Variants in TBC1D32 observed in about 807,000 individuals in gnomAD.
The protein encoded by TBC1D32 is protein broad-minded.
Under a neutral mutation model 170.3 loss-of-function variants are expected in TBC1D32, and 151 were observed. The observed-to-expected ratio is 0.89, with a 90% confidence interval of 0.78 to 1.01. The LOEUF is 1.01. Ranked by LOEUF, TBC1D32 falls within the 50% of genes least tolerant of loss-of-function variation. TBC1D32 has a pLI of 0.00. For missense variants in TBC1D32, 1,464 were observed against 1,457.1 expected (o/e 1.00, Z -0.08); for synonymous variants, 498 against 488.0 (o/e 1.02, Z -0.27).
chr6:121,334,536 C>T, upstream of TBC1D32: 1 of 1,374,244 alleles, frequency 7.3e-7, no homozygotes, highest in Non-Finnish European at 9.8e-7. Context: ...CGTGCGGCGT[C>T]GTTCCCAGGG....
At chr6:121,138,848 C>CTT (rs528895925) in intron 24 of TBC1D32, among the ~76,000 whole-genome samples, 30 of 143,588 alleles carry the variant, frequency 2.1e-4, no homozygotes, top group Non-Finnish European at 3.5e-4. Flanking sequence ...TATTATTTTT[C>CTT]TTTTTTTTTT....
At chr6:121,287,108 A>C (rs1319284798) in intron 12 of TBC1D32, among the ~76,000 whole-genome samples, 2 of 152,170 alleles carry the variant, frequency 1.3e-5, no homozygotes, top group African/African-American at 4.8e-5. Context: ...CAAGCAAAAT[A>C]ACCAGCTAAC....
At chr6:121,110,794 G>C (rs749944395) in intron 29 of TBC1D32, among the ~76,000 whole-genome samples, 1 of 152,076 alleles carries the variant, frequency 6.6e-6, no homozygotes, top group Non-Finnish European at 1.5e-5. Context: ...TTATACTGTC[G>C]TATAAATGTA....
intron 1 of TBC1D32, among the ~76,000 whole-genome samples, chr6:121,329,670 A>T (rs1563437010): frequency 6.6e-6 from 1 of 152,038 alleles, no homozygotes; most frequent in Non-Finnish European, 1.5e-5. Flanking sequence ...ATAAATAAAT[A>T]AAATAAAAAA....
intron 30 of TBC1D32, chr6:121,096,389 CT>C (rs1256254148): frequency 6.6e-6 from 1 of 151,926 alleles, no homozygotes; most frequent in African/African-American, 2.4e-5. Context: ...ACAAGCATTC[CT>C]ATACACCAAT....
intron 21 of TBC1D32, among the ~76,000 whole-genome samples, chr6:121,216,304 G>A (rs1793816650): frequency 6.6e-6 from 1 of 152,118 alleles, no homozygotes; most frequent in South Asian, 2.1e-4. Flanking sequence ...GACTCAAACT[G>A]GCTCTCCTTG....
intron 30 of TBC1D32, among the ~76,000 whole-genome samples, chr6:121,091,880 A>T (rs1247784973): frequency 6.6e-6 from 1 of 152,186 alleles, no homozygotes; most frequent in Non-Finnish European, 1.5e-5. Context: ...ATCCAATACG[A>T]CTGGTGTCTT....
chr6:121,283,806 A>G lies in TBC1D32; in HGVS notation c.1465+12T>C, dbSNP rs1293565703. ...TTTTATATTTCTCTATTTAAAATAG[A>G]AACAGAATTACCTGAATGGGCAGCT... On this transcript the variant is annotated intron_variant, in intron 13 of 31. Transcript: ENST00000398212. The G allele has an allele frequency of 1.9e-6, 3 of 1,568,928 alleles. No homozygotes were observed. Among genetic ancestry groups the G allele is most frequent in the Non-Finnish European group, 2.6e-6 (3 of 1,144,228 alleles).
chr6:121,231,541 G>T (rs1795737977), intron 20 of TBC1D32, among the ~76,000 whole-genome samples: 1 of 152,098 alleles, frequency 6.6e-6, no homozygotes, highest in South Asian at 2.1e-4. Context: ...CCCACTGACA[G>T]TGTAAAAGTG....
At position 121,115,279 on chromosome 6, in the gene TBC1D32, A is replaced by C. The variant is rs745814435; in HGVS notation, c.2984-38T>G. 3.6e-6 allele frequency: 5 copies of C among 1,399,274 alleles called. No individual in the cohort carries two copies. In the Admixed American group the frequency reaches 9.4e-5, roughly 26 times the overall value. The allele number at this position is 1,399,274 out of a possible 1,614,324, so 86.7% of individuals were successfully genotyped here. A position where few individuals can be genotyped will look rare whatever the true frequency, so the allele number is the denominator to read the frequency against. On this transcript the variant is annotated intron_variant, in intron 26 of 31. Coordinates refer to ENST00000398212, the MANE Select transcript of TBC1D32 (RefSeq NM_152730.6). ...GAAAACTGAGTTATAAAGTGCAGAAAAGTTTGCATAATAATCACATTTTAA... is the reference window on the plus strand; with the variant it reads ...GAAAACTGAGTTATAAAGTGCAGAACAGTTTGCATAATAATCACATTTTAA...
At chr6:121,110,476 G>A (rs770281237) in intron 29 of TBC1D32, among the ~76,000 whole-genome samples, 7 of 151,870 alleles carry the variant, frequency 4.6e-5, no homozygotes, top group Non-Finnish European at 8.8e-5. Context: ...TAATGAGGTT[G>A]GGGTAAGTAG....
intron 24 of TBC1D32, among the ~76,000 whole-genome samples, chr6:121,153,935 G>A (rs933938679): frequency 2.6e-5 from 4 of 151,802 alleles, no homozygotes; most frequent in Non-Finnish European, 2.9e-5. Context: ...GGCTCCATGG[G>A]GGTAGGATCT....
intron 15 of TBC1D32, among the ~76,000 whole-genome samples, chr6:121,269,187 G>A (rs117028998): frequency 0.024 from 3,655 of 152,138 alleles, 161 homozygotes; most frequent in East Asian, 0.12. Context: ...ATCGAGGCTC[G>A]GAAGAAACTG....
chr6:121,249,146 G>A (rs937987972), intron 17 of TBC1D32, among the ~76,000 whole-genome samples: 17 of 151,488 alleles, frequency 1.1e-4, no homozygotes, highest in Non-Finnish European at 2.1e-4. Context: ...TGTAGGGATG[G>A]TTTAACATAC....
At position 121,139,317 on chromosome 6, in the gene TBC1D32, T is replaced by C. The variant is rs572249530; in HGVS notation, c.2774-7565A>G. The stretch of plus-strand genomic sequence containing the variant: ...TTTCATTATTTTATCAAAATGCAAT[T>C]GCAATTACAGTCCATCTCATTCTCC... On this transcript the variant is annotated intron_variant, in intron 24 of 31. Transcript: ENST00000398212. Among the ~76,000 whole-genome samples the C allele has an allele frequency of 2.0e-5, 3 of 152,356 alleles. No individual in the cohort carries two copies. In the South Asian group the frequency reaches 6.2e-4, roughly 32 times the overall value.
chr6:121,171,275 CAA>C (rs1468760283), intron 22 of TBC1D32, among the ~76,000 whole-genome samples: 2 of 109,584 alleles, frequency 1.8e-5, no homozygotes, highest in Non-Finnish European at 3.9e-5. Flanking sequence ...GTTCAGAAAA[CAA>C]AAAGTCTTAA....
intron 30 of TBC1D32, among the ~76,000 whole-genome samples, chr6:121,096,815 A>G (rs1297001478): frequency 6.6e-6 from 1 of 152,202 alleles, no homozygotes; most frequent in Non-Finnish European, 1.5e-5. Flanking sequence ...GGCTACAGTA[A>G]CCAAAACAAC....
chr6:121,101,347 T>G (rs1043746796), intron 30 of TBC1D32, among the ~76,000 whole-genome samples: 5 of 152,080 alleles, frequency 3.3e-5, no homozygotes, highest in African/African-American at 1.2e-4. Flanking sequence ...AATAAAATAC[T>G]GGCAAACCAA....
At chr6:121,227,568 A>T (rs1169717391) in intron 20 of TBC1D32, among the ~76,000 whole-genome samples, 1 of 143,190 alleles carries the variant, frequency 7.0e-6, no homozygotes, top group Non-Finnish European at 1.5e-5. Flanking sequence ...TGTTGAAATA[A>T]TATTAAGAGT....
Sources: allele counts gnomAD v4.1 joint callset (sites outside exome capture counted in the v4.1 genomes callset), GRCh38; gene constraint gnomAD v4.1.1; transcripts MANE v1.5; gene names NCBI Gene and HGNC (gene_info 2026-07-23, HGNC 2026-07-21).